Variants in CPED1 observed in about 807,000 individuals in gnomAD.
CPED1 encodes cadherin-like and PC-esterase domain-containing protein 1.
A neutral mutation model predicts 128.2 loss-of-function variants in CPED1; 114 were observed. That is an observed-to-expected ratio of 0.89 (90% CI 0.76 to 1.04). The LOEUF (loss-of-function observed/expected upper bound fraction) is 1.04. Among genes scored for constraint, CPED1 ranks in the 50% least tolerant of loss-of-function variants. The pLI, the probability that CPED1 is intolerant of heterozygous loss-of-function variation, is 0.00. For synonymous variants in CPED1, 462 were observed against 426.7 expected (o/e 1.08, Z -1.02); for missense variants, 1,211 against 1,207.1 (o/e 1.00, Z -0.05).
intron 16 of CPED1, among the ~76,000 whole-genome samples, chr7:121,194,682 G>A (rs80331821): frequency 2.1e-4 from 32 of 152,216 alleles, no homozygotes; most frequent in Middle Eastern, 3.4e-3. Flanking sequence ...CTAATGTCTC[G>A]TAAAATAAGT....
chr7:121,153,107 G>A (rs2116407073), intron 16 of CPED1, among the ~76,000 whole-genome samples: 1 of 152,170 alleles, frequency 6.6e-6, no homozygotes, highest in Admixed American at 6.5e-5. Context: ...AAGGATGAGG[G>A]GATCAATGTT....
intron 22 of CPED1, among the ~76,000 whole-genome samples, chr7:121,294,357 T>A (rs141022269): frequency 6.6e-6 from 1 of 152,162 alleles, no homozygotes; most frequent in Non-Finnish European, 1.5e-5. Flanking sequence ...TTATAACTTA[T>A]GCATGATGCT....
intron 16 of CPED1, among the ~76,000 whole-genome samples, chr7:121,202,952 C>CT (rs1321183908): frequency 4.6e-5 from 7 of 152,184 alleles, no homozygotes; most frequent in East Asian, 3.9e-4. Context: ...CACCGAGTGC[C>CT]TTTTTTTCTA....
At chr7:121,246,679 G>A (rs1336743311) in intron 18 of CPED1, among the ~76,000 whole-genome samples, 1 of 152,044 alleles carries the variant, frequency 6.6e-6, no homozygotes, top group Non-Finnish European at 1.5e-5. Flanking sequence ...GCATTTGGAG[G>A]AAACATAAAC....
At chr7:121,040,878 T>A (rs776058808) in intron 3 of CPED1, among the ~76,000 whole-genome samples, 6 of 152,042 alleles carry the variant, frequency 3.9e-5, no homozygotes, top group Non-Finnish European at 8.8e-5. Flanking sequence ...AGCTTTGTAT[T>A]CTAGAAGCTC....
chr7:121,169,090 A>T (rs1371385387), intron 16 of CPED1, among the ~76,000 whole-genome samples: 3 of 152,206 alleles, frequency 2.0e-5, no homozygotes, highest in Non-Finnish European at 4.4e-5. Context: ...AGCTATTTAA[A>T]AATCTGAAAT....
intron 5 of CPED1, among the ~76,000 whole-genome samples, chr7:121,082,766 A>C (rs2908571): frequency 6.6e-6 from 1 of 152,196 alleles, no homozygotes; most frequent in Admixed American, 6.5e-5. Context: ...TTATGCTATA[A>C]CTTTGTGATA....
intron 4 of CPED1, among the ~76,000 whole-genome samples, chr7:121,055,579 T>C (rs1319831298): frequency 3.4e-5 from 5 of 148,032 alleles, no homozygotes; most frequent in African/African-American, 1.0e-4. Context: ...TGTGTAAAAA[T>C]ATAGATATAA....
Position 121,020,304 on chromosome 7 carries a change from T to C in CPED1, c.433+4456T>C, listed in dbSNP as rs79732168. On this transcript the variant is annotated intron_variant, in intron 3 of 22. Transcript: ENST00000310396. ...CTTGCCAAGGGCTGGCAAACTATAG[T>C]CCACTGGCTAAATCTGGCCCACCGC... Among the ~76,000 whole-genome samples the C allele has an allele frequency of 4.5e-3, 679 of 152,112 alleles. 5 individuals carry two copies. Among genetic ancestry groups the C allele is most frequent in the African/African-American group, 0.015 (639 of 41,564 alleles).
chr7:121,144,004 C>T (rs1489024550), intron 16 of CPED1, among the ~76,000 whole-genome samples: 2 of 151,774 alleles, frequency 1.3e-5, no homozygotes, highest in Non-Finnish European at 2.9e-5. Flanking sequence ...TCTTCAAAAC[C>T]TTACATTCAT....
rs111633217 is a variant in CPED1, at chr7:121,180,012, T to C, written c.2055+37871T>C. On this transcript the variant is annotated intron_variant, in intron 16 of 22. Transcript: ENST00000310396. ...AGTATAAAACTGATTTACTGTTATG[T>C]TTTTCTTTTTATTGTATGACTTTCA... Among the ~76,000 whole-genome samples the C allele has an allele frequency of 6.7e-3, 1,027 of 152,184 alleles. 14 individuals carry two copies. The highest frequency in any genetic ancestry group is 0.022 in the African/African-American group (922 of 41,542).
chr7:121,217,053 GTTTTTATTTTTA>G (rs556892350), intron 16 of CPED1, among the ~76,000 whole-genome samples: 12 of 151,764 alleles, frequency 7.9e-5, no homozygotes, highest in African/African-American at 2.7e-4. Context: ...AGTTTTGGTG[GTTTTTATTTTTA>G]TTTTTATTTT....
chr7:121,271,403 G>A lies in CPED1; in HGVS notation c.2841G>A (p.Gln947=), dbSNP rs766695095. 5 of 1,612,718 alleles carry A rather than the reference G, an allele frequency of 3.1e-6. No homozygotes were observed. Among genetic ancestry groups the A allele is most frequent in the Non-Finnish European group, 4.2e-6 (5 of 1,179,214 alleles). Residue 947 remains glutamine, a synonymous_variant, in exon 22 of 23, where the codon CAG becomes CAA. Coordinates refer to ENST00000310396, the MANE Select transcript of CPED1 (RefSeq NM_024913.5). ...ITMGRYKEFL[Q]GKCGCHFHEV... is the part of the protein sequence containing the mutation. ...TGGGGCGTTACAAAGAGTTTCTACA[G>A]GGGAAGTGTGGATGTCATTTCCATG...
At chr7:121,242,700 T>C (rs1798425640) in intron 17 of CPED1, among the ~76,000 whole-genome samples, 3 of 152,162 alleles carry the variant, frequency 2.0e-5, no homozygotes, top group African/African-American at 7.2e-5. Context: ...CAAATGACTC[T>C]GCATTCCTTT....
intron 14 of CPED1, among the ~76,000 whole-genome samples, chr7:121,137,256 C>T (rs369407540): frequency 6.6e-6 from 1 of 152,112 alleles, no homozygotes; most frequent in East Asian, 1.9e-4. Context: ...ACTGCAACCT[C>T]GACTTCCTGG....
chr7:121,181,817 A>C (rs950291892), intron 16 of CPED1, among the ~76,000 whole-genome samples: 18 of 152,154 alleles, frequency 1.2e-4, no homozygotes, highest in African/African-American at 3.9e-4. Flanking sequence ...CACAGGTCAC[A>C]CACCTAGTTC....
At chr7:121,004,900 C>G (rs961582967) in intron 2 of CPED1, among the ~76,000 whole-genome samples, 1 of 152,084 alleles carries the variant, frequency 6.6e-6, no homozygotes, top group Non-Finnish European at 1.5e-5. Flanking sequence ...TCTGGTCCAG[C>G]CCCCAAATCT....
intron 4 of CPED1, among the ~76,000 whole-genome samples, chr7:121,060,541 AGTCC>A (rs1330159394): frequency 3.9e-5 from 6 of 152,228 alleles, no homozygotes; most frequent in Non-Finnish European, 7.3e-5. Flanking sequence ...TGAATGCACC[AGTCC>A]ACTCTGTATC....
intron 3 of CPED1, among the ~76,000 whole-genome samples, chr7:121,017,824 T>C (rs1406406891): frequency 6.6e-6 from 1 of 152,184 alleles, no homozygotes; most frequent in Non-Finnish European, 1.5e-5. Flanking sequence ...AAAAACAGCC[T>C]GAAGGCAATA....
Sources: gnomAD v4.1 joint callset for allele counts (sites outside exome capture counted in the v4.1 genomes callset) on GRCh38, gnomAD v4.1.1 for gene constraint, MANE v1.5 for transcripts, NCBI Gene and HGNC (gene_info 2026-07-23, HGNC 2026-07-21) for gene names.